The following ALK variants were observed in gnomAD, a reference collection of about 807,000 sequenced individuals.
ALK encodes the protein ALK receptor tyrosine kinase.
Under a neutral mutation model 163.1 loss-of-function variants are expected in ALK, and 74 were observed. The ratio of observed to expected loss-of-function variants is 0.45; its 90% CI spans 0.38 to 0.55. The LOEUF is 0.55. Among genes scored for constraint, ALK ranks in the 20% least tolerant of loss-of-function variants. The probability of loss-of-function intolerance (pLI) is 0.00; values close to 1 mark genes in which losing one functional copy is unlikely to be tolerated. For missense variants in ALK, 2,063 were observed against 2,105.3 expected (o/e 0.98, Z 0.39); for synonymous variants, 960 against 843.2 (o/e 1.14, Z -2.40).
rs186346606 is a variant in ALK at position 29,729,566 on chromosome 2, G to A, written c.668-11869C>T. ...AAAGTCACGCTGCCACCATACAGAC[G>A]AGCACCCTGGAATTAGCTGCCAGAG... On this transcript the variant is annotated intron_variant, in intron 1 of 28. Transcript: ENST00000389048. 6.6e-5 allele frequency among the ~76,000 whole-genome samples: 10 copies of A among 152,212 alleles called. No individual in the cohort carries two copies. The South Asian group carries it at 8.3e-4, about 13-fold the overall frequency.
chr2:29,662,308 C>G (rs577994914), intron 3 of ALK, among the ~76,000 whole-genome samples: 1 of 152,288 alleles, frequency 6.6e-6, no homozygotes, highest in East Asian at 1.9e-4. Context: ...ACCTCCAATT[C>G]TGCACCTTGT....
At chr2:29,349,302 T>C (rs1437387230) in intron 5 of ALK, among the ~76,000 whole-genome samples, 3 of 152,156 alleles carry the variant, frequency 2.0e-5, no homozygotes, top group Non-Finnish European at 4.4e-5. Context: ...CTGACTGGTG[T>C]TCTTGACAAT....
intron 3 of ALK, among the ~76,000 whole-genome samples, chr2:29,611,516 A>T (rs1675690722): frequency 6.6e-6 from 1 of 152,210 alleles, no homozygotes; most frequent in African/African-American, 2.4e-5. Context: ...GTTACATGAA[A>T]TGGTTATGTC....
chr2:29,548,466 C>T (rs1399524377), intron 3 of ALK, among the ~76,000 whole-genome samples: 2 of 147,088 alleles, frequency 1.4e-5, no homozygotes, highest in South Asian at 4.3e-4. Flanking sequence ...GAGCAAGACT[C>T]GGTCTCAAAA....
intron 4 of ALK, among the ~76,000 whole-genome samples, chr2:29,479,752 C>T (rs1483939463): frequency 2.6e-5 from 4 of 152,172 alleles, no homozygotes; most frequent in Non-Finnish European, 5.9e-5. Flanking sequence ...TGGTCCTTTG[C>T]TCTCCTACCA....
intron 5 of ALK, among the ~76,000 whole-genome samples, chr2:29,376,003 C>T (rs1341952004): frequency 6.6e-6 from 1 of 152,148 alleles, no homozygotes; most frequent in African/African-American, 2.4e-5. Flanking sequence ...TGACCAGAAA[C>T]ATTCCAAACT....
Position 29,223,343 on chromosome 2 carries a change from G to A in ALK, c.3358C>T (p.Arg1120Trp), listed in dbSNP as rs774951734. ...EVPRKNITLI[R>W]GLGHGAFGEV... ...CCAGGACGGCAGCAGGGCGCTCACC[G>A]AATGAGGGTGATGTTTTTCCGCGGC... is the stretch of plus-strand genomic sequence containing the variant. The change falls in exon 20 of 29, where the codon CGG becomes TGG. Residue 1120 changes from arginine (R) to tryptophan (W), a missense_variant and splice_region_variant. Around this residue, in one of 5 missense-constraint regions of ALK, gnomAD observed 575 missense variants for 626.6 expected, o/e 0.92. Transcript: ENST00000389048. The A allele has an allele frequency of 1.5e-5, 24 of 1,613,928 alleles. No individual in the cohort carries two copies. Among genetic ancestry groups the A allele is most frequent in the African/African-American group, 2.7e-5 (2 of 74,926 alleles).
chr2:29,479,590 A>AG (rs111578622), intron 4 of ALK, among the ~76,000 whole-genome samples: 1 of 152,322 alleles, frequency 6.6e-6, no homozygotes, highest in African/African-American at 2.4e-5. Flanking sequence ...AATCTCCTTT[A>AG]GGATAAATTG....
At chr2:29,681,625 A>G (rs1174950896) in intron 3 of ALK, among the ~76,000 whole-genome samples, 8 of 152,130 alleles carry the variant, frequency 5.3e-5, no homozygotes, top group South Asian at 2.1e-4. Context: ...ACTCTGTCCT[A>G]TCTCCATTGG....
chr2:29,704,418 A>C lies in ALK; in HGVS notation c.788-9404T>G, dbSNP rs73921166. On this transcript the variant is annotated intron_variant, in intron 2 of 28. Transcript: ENST00000389048. ...GCTGGAGAATGATGGGGATCATCAA[A>C]GAATGCACAGTGGCTGGTTGCAAGG... 4.4e-3 allele frequency among the ~76,000 whole-genome samples: 677 copies of C among 152,346 alleles called. 3 individuals carry two copies. The highest frequency in any genetic ancestry group is 0.015 in the African/African-American group (615 of 41,576).
chr2:29,791,502 T>C (rs1217116098), intron 1 of ALK, among the ~76,000 whole-genome samples: 1 of 152,082 alleles, frequency 6.6e-6, no homozygotes. Context: ...AGGGGAGAGA[T>C]AGCATTAGGA....
intron 3 of ALK, among the ~76,000 whole-genome samples, chr2:29,603,583 C>T (rs550207608): frequency 1.3e-5 from 2 of 152,002 alleles, no homozygotes; most frequent in African/African-American, 2.4e-5. Context: ...CCATCATGGT[C>T]TGAACTAGTT....
At chr2:29,703,202 A>C (rs892793157) in intron 2 of ALK, among the ~76,000 whole-genome samples, 1 of 152,218 alleles carries the variant, frequency 6.6e-6, no homozygotes, top group African/African-American at 2.4e-5. Flanking sequence ...CCTGCTAAAA[A>C]TGCTTTTCTG....
intron 26 of ALK, among the ~76,000 whole-genome samples, chr2:29,205,076 T>C (rs902949529): frequency 1.3e-5 from 2 of 152,224 alleles, no homozygotes; most frequent in South Asian, 4.1e-4. Context: ...CCACCTCTTA[T>C]CACACTTGGA....
In ALK at chr2:29,920,370, G is replaced by A. The variant is rs765290844; in HGVS notation, c.290C>T (p.Pro97Leu). 1 of 1,558,030 alleles carries A rather than the reference G, an allele frequency of 6.4e-7. No individual in the cohort carries two copies. Among genetic ancestry groups the A allele is most frequent in the Non-Finnish European group, 8.7e-7 (1 of 1,152,086 alleles). ...ARGSLALDCAPLLRLLGPAPG... is the reference protein window; with the variant it reads ...ARGSLALDCALLLRLLGPAPG... ...CGCCGGCCCCAGCAACCTGAGCAGC[G>A]GGGCGCAGTCCAGAGCTAGCGAGCC... The change falls in exon 1 of 29, where the codon CCG (proline) becomes CTG (leucine). Residue 97 changes from proline (P) to leucine (L), a missense_variant. Pro to Leu is a moderately conservative substitution (Grantham distance 98). Coordinates refer to ENST00000389048, the MANE Select transcript of ALK (RefSeq NM_004304.5).
Position 29,442,930 on chromosome 2 carries a change from G to A in ALK, c.1155-59071C>T, listed in dbSNP as rs187462364. On this transcript the variant is annotated intron_variant, in intron 4 of 28. Coordinates refer to ENST00000389048, the MANE Select transcript of ALK (RefSeq NM_004304.5). The stretch of plus-strand genomic sequence containing the variant: ...ACTTGAAACCTGAAAGGGACAAAGC[G>A]TGACTCTACCACTGGGTAAGGTTAA... Among the ~76,000 whole-genome samples the A allele has an allele frequency of 1.6e-4, 25 of 152,328 alleles. No individual in the cohort carries two copies. The East Asian group carries it at 4.2e-3, about 26-fold the overall frequency.
intron 1 of ALK, among the ~76,000 whole-genome samples, chr2:29,868,693 C>T (rs1051405642): frequency 1.3e-5 from 2 of 152,196 alleles, no homozygotes; most frequent in East Asian, 3.9e-4. Context: ...ACAAATCATA[C>T]CTTCCTCCAA....
intron 1 of ALK, among the ~76,000 whole-genome samples, chr2:29,769,736 G>T (rs1341200477): frequency 6.6e-6 from 1 of 152,216 alleles, no homozygotes. Flanking sequence ...TGAAATAAAT[G>T]TGCATCGAGA....
At chr2:29,304,506 AAAAAAGAAAAG>A (rs1666452484) in intron 8 of ALK, among the ~76,000 whole-genome samples, 1 of 151,530 alleles carries the variant, frequency 6.6e-6, no homozygotes, top group African/African-American at 2.4e-5. Context: ...AAAAAAAAAA[AAAAAAGAAAAG>A]AAAAAAGAAA....
Sources: allele counts gnomAD v4.1 joint callset (sites outside exome capture counted in the v4.1 genomes callset), GRCh38; gene constraint gnomAD v4.1.1; regional missense constraint gnomAD v4.1.1; transcripts MANE v1.5; gene names NCBI Gene and HGNC (gene_info 2026-07-23, HGNC 2026-07-21).